The following DOCK3 variants were observed in gnomAD, a reference collection of about 807,000 sequenced individuals.
The protein encoded by DOCK3 is dedicator of cytokinesis protein 3.
DOCK3 carries 60 observed loss-of-function variants against 265.6 expected under a neutral mutation model. The observed-to-expected ratio is 0.23, with a 90% confidence interval of 0.18 to 0.28. The LOEUF is 0.28. Among genes scored for constraint, DOCK3 ranks in the 10% least tolerant of loss-of-function variants. DOCK3 has a pLI of 1.00. For synonymous variants in DOCK3, 881 were observed against 938.0 expected, an observed-to-expected ratio of 0.94 and a Z score of 1.11; for missense variants, 1,981 against 2,594.3, an observed-to-expected ratio of 0.76 and a Z score of 5.14.
At chr3:50,775,227 A>C (rs1168157382) in intron 1 of DOCK3, among the ~76,000 whole-genome samples, 1 of 152,030 alleles carries the variant, frequency 6.6e-6, no homozygotes, top group Non-Finnish European at 1.5e-5. Flanking sequence ...CGACAGATTC[A>C]CTGATAAAGT....
chr3:51,242,955 T>C (rs1359891736), intron 21 of DOCK3, among the ~76,000 whole-genome samples: 3 of 151,980 alleles, frequency 2.0e-5, no homozygotes, highest in Non-Finnish European at 4.4e-5. Context: ...AGTGGAGCTC[T>C]CCCCCATCAA....
chr3:51,310,191 T>TGTG, intron 27 of DOCK3, 41 bp from the exon 28 acceptor site: 1 of 1,510,134 alleles, frequency 6.6e-7, no homozygotes, highest in Non-Finnish European at 9.0e-7. Flanking sequence ...AGATGCATAT[T>TGTG]GTGGTGGTGG....
intron 7 of DOCK3, among the ~76,000 whole-genome samples, chr3:51,079,490 A>G (rs921714650): frequency 4.6e-5 from 7 of 151,736 alleles, no homozygotes; most frequent in Admixed American, 2.6e-4. Flanking sequence ...ATGCCACCAC[A>G]CTCAGCTAAT....
chr3:51,121,132 T>C (rs2083998628), intron 9 of DOCK3, among the ~76,000 whole-genome samples: 1 of 152,144 alleles, frequency 6.6e-6, no homozygotes, highest in Non-Finnish European at 1.5e-5. Context: ...TAGGCATCCG[T>C]GGGAATCTTC....
intron 12 of DOCK3, among the ~76,000 whole-genome samples, chr3:51,182,350 G>A (rs1262748296): frequency 6.6e-6 from 1 of 152,172 alleles, no homozygotes. Context: ...ATTAGGAAGG[G>A]CCAGTTGCTG....
intron 32 of DOCK3, among the ~76,000 whole-genome samples, chr3:51,323,578 A>G (rs1315494968): frequency 6.6e-6 from 1 of 152,202 alleles, no homozygotes; most frequent in African/African-American, 2.4e-5. Context: ...CTGCTCCTGA[A>G]TGACTACTGG....
chr3:51,150,644 GT>G (rs1453134425), intron 10 of DOCK3, among the ~76,000 whole-genome samples: 1 of 152,238 alleles, frequency 6.6e-6, no homozygotes, highest in African/African-American at 2.4e-5. Context: ...TAGTTGAGCA[GT>G]TTTGAGTGAG....
At chr3:51,165,244 G>T (rs1243017713) in intron 12 of DOCK3, among the ~76,000 whole-genome samples, 1 of 152,114 alleles carries the variant, frequency 6.6e-6, no homozygotes, top group Admixed American at 6.5e-5. Flanking sequence ...ATTCTTAAAT[G>T]GAAGCACATT....
intron 4 of DOCK3, among the ~76,000 whole-genome samples, chr3:50,892,123 G>A (rs2048671314): frequency 6.6e-6 from 1 of 152,096 alleles, no homozygotes. Context: ...GCAGGCACTG[G>A]AGAACAATTG....
At chr3:51,348,718 G>A (rs550247551) in intron 38 of DOCK3, 134 bp from the exon 39 acceptor site, 2 of 851,864 alleles carry the variant, frequency 2.3e-6, no homozygotes, top group African/African-American at 1.7e-5. Context: ...TTGGTCTTGA[G>A]GTATATGTTC....
intron 27 of DOCK3, among the ~76,000 whole-genome samples, chr3:51,292,999 T>A (rs959360347): frequency 6.6e-6 from 1 of 152,186 alleles, no homozygotes; most frequent in Non-Finnish European, 1.5e-5. Flanking sequence ...TGGACAGATA[T>A]CTCATGTTTA....
At chr3:51,223,795 A>G (rs1438485644) in intron 14 of DOCK3, among the ~76,000 whole-genome samples, 1 of 152,210 alleles carries the variant, frequency 6.6e-6, no homozygotes, top group African/African-American at 2.4e-5. Context: ...AGTTCTGTTA[A>G]GTTTGGATTT....
chr3:51,269,280 G>A (rs142599477), intron 23 of DOCK3, among the ~76,000 whole-genome samples: 4 of 151,664 alleles, frequency 2.6e-5, no homozygotes, highest in African/African-American at 7.2e-5. Flanking sequence ...ATGTCAGGGT[G>A]TGAGAGTCCT....
intron 2 of DOCK3, among the ~76,000 whole-genome samples, chr3:50,788,912 T>C (rs1302498290): frequency 6.6e-6 from 1 of 152,256 alleles, no homozygotes; most frequent in Non-Finnish European, 1.5e-5. Flanking sequence ...TATTATCTTT[T>C]CAAAGAACGA....
Position 51,077,526 on chromosome 3 carries a change from T to C in DOCK3, c.549+2086T>C, listed in dbSNP as rs567189447. On this transcript the variant is annotated intron_variant, in intron 7 of 52. Transcript: ENST00000266037. ...AAGAAGTTGTTGGATTCTGAATATA[T>C]TTTGAAGTTAGAACCATAGTTGTAG... 9.9e-5 allele frequency among the ~76,000 whole-genome samples: 15 copies of C among 152,264 alleles called. No homozygotes were observed. The East Asian group carries it at 2.5e-3, about 25-fold the overall frequency.
intron 5 of DOCK3, among the ~76,000 whole-genome samples, chr3:51,041,180 ATATATATATATATATATATATATATTTTT>A (rs1185846704): frequency 9.4e-5 from 1 of 10,606 alleles, no homozygotes; most frequent in East Asian, 2.4e-3. Flanking sequence ...ATATATATAT[ATATATATATATATATATATATATATTTTT>A]TTTTTTTTTT....
intron 1 of DOCK3, among the ~76,000 whole-genome samples, chr3:50,732,735 A>G (rs185069143): frequency 2.2e-4 from 34 of 152,250 alleles, no homozygotes; most frequent in African/African-American, 7.5e-4. Flanking sequence ...ACGTATTTCT[A>G]TGTTCCTCTA....
chr3:51,341,228 TC>T lies in DOCK3; in HGVS notation c.3767-5del. ...AGCCCCTGGACCTCCATGCTGTCTG[TC>T]CCCACAGAGGCCGCATTTACCCTGC... On this transcript the variant is annotated splice_region_variant and splice_polypyrimidine_tract_variant and intron_variant, in intron 37 of 52. Transcript: ENST00000266037. 1 of 1,564,360 alleles carries T rather than the reference TC, an allele frequency of 6.4e-7. No individual in the cohort carries two copies. The highest frequency in any genetic ancestry group is 1.2e-5 in the South Asian group (1 of 81,210).
intron 10 of DOCK3, among the ~76,000 whole-genome samples, chr3:51,154,241 G>A (rs1322083666): frequency 1.3e-5 from 2 of 152,232 alleles, no homozygotes; most frequent in Non-Finnish European, 2.9e-5. Flanking sequence ...TGCTCCAGAT[G>A]TATGGAAAGA....
Sources: gnomAD v4.1 joint callset for allele counts (sites outside exome capture counted in the v4.1 genomes callset) on GRCh38, gnomAD v4.1.1 for gene constraint, MANE v1.5 for transcripts, NCBI Gene and HGNC (gene_info 2026-07-23, HGNC 2026-07-21) for gene names.